LRRK1: variants seen among roughly 807,000 people sequenced by gnomAD.
The protein encoded by LRRK1 is leucine-rich repeat serine/threonine-protein kinase 1.
A neutral mutation model predicts 209.1 loss-of-function variants in LRRK1; 113 were observed. That is an observed-to-expected ratio of 0.54 (90% CI 0.46 to 0.63). The LOEUF (loss-of-function observed/expected upper bound fraction) is 0.63. Ranked by LOEUF, LRRK1 falls within the 30% of genes least tolerant of loss-of-function variation. The probability of loss-of-function intolerance (pLI) is 0.00; values close to 1 mark genes in which losing one functional copy is unlikely to be tolerated. For synonymous variants in LRRK1, 1,144 were observed against 1,099.7 expected, an observed-to-expected ratio of 1.04 and a Z score of -0.80; for missense variants, 2,284 against 2,632.2, an observed-to-expected ratio of 0.87 and a Z score of 2.89.
chr15:100,989,156 T>C (rs1398146937), intron 5 of LRRK1, 94 bp from the exon 6 acceptor site: 2 of 1,108,580 alleles, frequency 1.8e-6, no homozygotes, highest in Middle Eastern at 2.4e-4. Context: ...ACAAGTACCT[T>C]TTCAGTTTCC....
At chr15:101,013,793 T>A (rs1260210528) in intron 10 of LRRK1, among the ~76,000 whole-genome samples, 1 of 152,122 alleles carries the variant, frequency 6.6e-6, no homozygotes, top group Admixed American at 6.5e-5. Flanking sequence ...GGGGCCCAGC[T>A]TGGGACTGTG....
At chr15:100,979,740 A>C (rs985674311) in intron 3 of LRRK1, among the ~76,000 whole-genome samples, 1 of 152,220 alleles carries the variant, frequency 6.6e-6, no homozygotes, top group Non-Finnish European at 1.5e-5. Flanking sequence ...ATGAAAAAGC[A>C]AACAATCCAA....
chr15:100,998,607 T>C (rs1443200857), intron 6 of LRRK1, among the ~76,000 whole-genome samples: 2 of 111,090 alleles, frequency 1.8e-5, no homozygotes, highest in Admixed American at 1.4e-4. Context: ...ACACGATAGA[T>C]AGGTGGGTAG....
intron 12 of LRRK1, among the ~76,000 whole-genome samples, chr15:101,020,214 T>C (rs2033713348): frequency 6.6e-6 from 1 of 152,202 alleles, no homozygotes; most frequent in African/African-American, 2.4e-5. Flanking sequence ...CTGGTAACCA[T>C]TGTGTTCCTG....
At chr15:100,980,470 G>A (rs986864649) in intron 3 of LRRK1, among the ~76,000 whole-genome samples, 1 of 152,182 alleles carries the variant, frequency 6.6e-6, no homozygotes, top group Admixed American at 6.5e-5. Context: ...GAGACCTTTT[G>A]ATGGAACAGG....
intron 6 of LRRK1, among the ~76,000 whole-genome samples, chr15:100,995,387 T>A (rs1024370877): frequency 2.6e-5 from 4 of 152,194 alleles, no homozygotes; most frequent in African/African-American, 9.7e-5. Flanking sequence ...AGTGGCTGGC[T>A]GCTTGGGTTT....
At chr15:101,000,123 A>G (rs373938409) in intron 6 of LRRK1, among the ~76,000 whole-genome samples, 3 of 152,224 alleles carry the variant, frequency 2.0e-5, no homozygotes, top group Admixed American at 1.3e-4. Flanking sequence ...TTAGAAGGAA[A>G]CTGTCCCCCA....
intron 2 of LRRK1, among the ~76,000 whole-genome samples, chr15:100,934,043 G>A (rs888222441): frequency 2.6e-5 from 4 of 151,932 alleles, no homozygotes; most frequent in Non-Finnish European, 4.4e-5. Context: ...TTATTTTGGT[G>A]TCAGTCTTAT....
chr15:100,959,183 G>A (rs1461957705), intron 2 of LRRK1, among the ~76,000 whole-genome samples: 1 of 152,160 alleles, frequency 6.6e-6, no homozygotes, highest in African/African-American at 2.4e-5. Context: ...CCCTGTGGCC[G>A]TAACTGTAGA....
chr15:100,974,642 C>G (rs1030478885), intron 3 of LRRK1, among the ~76,000 whole-genome samples: 1 of 152,218 alleles, frequency 6.6e-6, no homozygotes, highest in Non-Finnish European at 1.5e-5. Flanking sequence ...AGGATTGCTT[C>G]TCATCTCTTA....
chr15:101,046,162 C>T lies in LRRK1; in HGVS notation c.3135+10C>T. 1 of 1,613,502 alleles carries T rather than the reference C, an allele frequency of 6.2e-7. No homozygotes were observed. Among genetic ancestry groups the T allele is most frequent in the Non-Finnish European group, 8.5e-7 (1 of 1,179,638 alleles). ...GGAGATGGACCTGCAGGTATTATGG[C>T]TGCGGTTTCTGCATAGACAGATGCC... On this transcript the variant is annotated intron_variant, in intron 21 of 33. Transcript: ENST00000388948.
Position 101,026,153 on chromosome 15 carries a change from C to T in LRRK1, c.2405+16C>T, listed in dbSNP as rs755771275. On this transcript the variant is annotated intron_variant, in intron 17 of 33. Transcript: ENST00000388948. ...AACACTTACAGTGAGTGCCCAGCCT[C>T]GGGCAGCTCCTGCCTTCTTGTGGGT... The T allele has an allele frequency of 2.3e-5, 37 of 1,612,350 alleles. No homozygotes were observed. The highest frequency in any genetic ancestry group is 2.8e-5 in the Non-Finnish European group (33 of 1,178,582).
At chr15:101,054,858 G>A (rs2035702509) in intron 26 of LRRK1, 88 bp from the exon 27 acceptor site, 1 of 1,163,676 alleles carries the variant, frequency 8.6e-7, no homozygotes, top group Non-Finnish European at 1.2e-6. Context: ...AGGGAGATCG[G>A]AAGACAAAAA....
chr15:100,972,446 A>G (rs773149012), intron 2 of LRRK1, among the ~76,000 whole-genome samples: 39 of 150,514 alleles, frequency 2.6e-4, no homozygotes, highest in Non-Finnish European at 5.3e-4. Flanking sequence ...GCAGTTTTGT[A>G]ATAAAAAGGA....
chr15:101,065,325 T>C lies in LRRK1; in HGVS notation c.4915-27T>C, dbSNP rs768241958. On this transcript the variant is annotated intron_variant, in intron 31 of 33. Transcript: ENST00000388948. ...TTGGAATGTGTGAAATGGAAGGATG[T>C]GACACATCCCTGTCTCCTTCCTTCA... The C allele has an allele frequency of 6.9e-6, 11 of 1,602,574 alleles. No individual in the cohort carries two copies. In the African/African-American group the frequency reaches 1.3e-4, roughly 19 times the overall value.
chr15:100,997,519 T>A (rs757784709), intron 6 of LRRK1, among the ~76,000 whole-genome samples: 1 of 152,190 alleles, frequency 6.6e-6, no homozygotes, highest in Non-Finnish European at 1.5e-5. Context: ...AATCATGGCA[T>A]GGAAACATAC....
At chr15:100,976,174 T>C (rs1416728222) in intron 3 of LRRK1, among the ~76,000 whole-genome samples, 1 of 150,230 alleles carries the variant, frequency 6.7e-6, no homozygotes, top group East Asian at 1.9e-4. Flanking sequence ...AAATCAATCA[T>C]GTAAAACCTT....
At chr15:101,064,036 C>T (rs963279489) in intron 31 of LRRK1, among the ~76,000 whole-genome samples, 2 of 152,264 alleles carry the variant, frequency 1.3e-5, no homozygotes, top group Non-Finnish European at 2.9e-5. Flanking sequence ...GGCAGGGTGT[C>T]TGCCCCCTCC....
At chr15:101,053,626 C>A (rs34795289) in intron 26 of LRRK1, among the ~76,000 whole-genome samples, 5 of 151,990 alleles carry the variant, frequency 3.3e-5, no homozygotes, top group Admixed American at 1.3e-4. Flanking sequence ...GACGGGGGAG[C>A]GCACACTCTG....
Sources: gnomAD v4.1 joint callset for allele counts (sites outside exome capture counted in the v4.1 genomes callset) on GRCh38, gnomAD v4.1.1 for gene constraint, MANE v1.5 for transcripts, NCBI Gene and HGNC (gene_info 2026-07-23, HGNC 2026-07-21) for gene names.